Variants in MXRA7 observed in about 807,000 individuals in gnomAD.
MXRA7 encodes the protein matrix-remodeling-associated protein 7.
A neutral mutation model predicts 17.4 loss-of-function variants in MXRA7; 18 were observed. The ratio of observed to expected loss-of-function variants is 1.03; its 90% CI spans 0.71 to 1.53. MXRA7 has a LOEUF of 1.53. Ranked by LOEUF, MXRA7 falls within the 40% of genes most tolerant of loss-of-function variation. The pLI is 0.00. For missense variants in MXRA7, 141 were observed against 209.3 expected (o/e 0.67, Z 2.01); for synonymous variants, 70 against 101.7 (o/e 0.69, Z 1.87).
chr17:76,678,104 C>T (rs1365467273), downstream of MXRA7, among the ~76,000 whole-genome samples: 1 of 152,090 alleles, frequency 6.6e-6, no homozygotes, highest in Non-Finnish European at 1.5e-5. Flanking sequence ...TTAGAAACAG[C>T]CTTCGTTGAG....
At chr17:76,699,064 C>G (rs1282293580) in intron 1 of MXRA7, among the ~76,000 whole-genome samples, 1 of 151,974 alleles carries the variant, frequency 6.6e-6, no homozygotes, top group Non-Finnish European at 1.5e-5. Flanking sequence ...CCCCTTCACT[C>G]CAACAGGCTT....
At chr17:76,686,135 C>T (rs538724032) in intron 2 of MXRA7, among the ~76,000 whole-genome samples, 17 of 152,090 alleles carry the variant, frequency 1.1e-4, no homozygotes, top group African/African-American at 2.7e-4. Context: ...GATGGGGAGG[C>T]GGGGGGGCTC....
downstream of MXRA7, among the ~76,000 whole-genome samples, chr17:76,678,878 A>G (rs139598372): frequency 1.4e-3 from 210 of 152,220 alleles, no homozygotes; most frequent in Non-Finnish European, 2.6e-3. Flanking sequence ...AGCAGCATCT[A>G]GTAGTTGAAA....
chr17:76,700,874 A>G (rs532937457), intron 1 of MXRA7, among the ~76,000 whole-genome samples: 1 of 152,002 alleles, frequency 6.6e-6, no homozygotes, highest in East Asian at 1.9e-4. Flanking sequence ...AAGGACATAG[A>G]GAGGAGAGAG....
At chr17:76,684,161 C>T (rs965958289) in intron 3 of MXRA7, among the ~76,000 whole-genome samples, 1 of 152,110 alleles carries the variant, frequency 6.6e-6, no homozygotes. Context: ...GGCTGCCCGG[C>T]GGGTGGCTTG....
chr17:76,704,585 G>A (rs2076634384), intron 1 of MXRA7, among the ~76,000 whole-genome samples: 1 of 149,868 alleles, frequency 6.7e-6, no homozygotes, highest in African/African-American at 2.4e-5. Context: ...AGGAGTTCAA[G>A]ACCACCCTGG....
chr17:76,710,209 A>G (rs2076703975), intron 1 of MXRA7, among the ~76,000 whole-genome samples: 1 of 152,226 alleles, frequency 6.6e-6, no homozygotes, highest in Non-Finnish European at 1.5e-5. Flanking sequence ...AGGCCTGGAA[A>G]TAAGCCACAG....
At chr17:76,677,841 G>T, downstream of MXRA7, 1 of 628,462 alleles carries the variant, frequency 1.6e-6, no homozygotes, top group Non-Finnish European at 2.8e-6. Flanking sequence ...AGAAGAAAAT[G>T]AAAATAAAAC....
chr17:76,685,473 T>C (rs963143117), intron 2 of MXRA7, among the ~76,000 whole-genome samples: 14 of 152,206 alleles, frequency 9.2e-5, no homozygotes, highest in Non-Finnish European at 2.9e-5. Context: ...TCTCGGCTAC[T>C]GAGCTCAGAG....
chr17:76,693,757 C>G (rs1223307757), intron 1 of MXRA7, among the ~76,000 whole-genome samples: 2 of 152,066 alleles, frequency 1.3e-5, no homozygotes, highest in African/African-American at 4.8e-5. Context: ...GGGAGGATCA[C>G]TTGAGCCCAG....
At chr17:76,672,771 C>CT (rs1165395203) in exon 4 of MXRA7, 1 of 152,112 alleles carries the variant, frequency 6.6e-6, no homozygotes, top group Admixed American at 6.6e-5. Flanking sequence ...ATATTGGCTG[C>CT]TACCGTTAGC....
chr17:76,676,159 G>C (rs1454692234), downstream of MXRA7: 1 of 152,122 alleles, frequency 6.6e-6, no homozygotes, highest in East Asian at 1.9e-4. Context: ...TGTTCTGTAA[G>C]ATCACTTTGG....
chr17:76,686,206 T>A (rs1422193400), intron 2 of MXRA7, among the ~76,000 whole-genome samples: 1 of 152,136 alleles, frequency 6.6e-6, no homozygotes, highest in Admixed American at 6.5e-5. Context: ...TGGTTGGGTG[T>A]GGTGGCTCAT....
In MXRA7 at chr17:76,681,941, C is replaced by T. The variant is rs2076310395; in HGVS notation, c.501-1062G>A. On this transcript the variant is annotated intron_variant, in intron 3 of 3. Coordinates refer to ENST00000449428, the MANE Select transcript of MXRA7 (RefSeq NM_198530.4). The surrounding 1 kb of genome is among the most constrained non-coding windows in gnomAD (Gnocchi z 4.7). The stretch of plus-strand genomic sequence containing the variant: ...GCTTCAGCGGAACCCAGGGACGCCA[C>T]CAGAGGCATGAAGTGTGTGAAACTC... Among the ~76,000 whole-genome samples, 1 of 152,216 alleles carries T rather than the reference C, an allele frequency of 6.6e-6. No homozygotes were observed. Among genetic ancestry groups the T allele is most frequent in the Non-Finnish European group, 1.5e-5 (1 of 68,034 alleles).
rs370105221 is a variant in MXRA7 at position 76,688,027 on chromosome 17, G to A, written c.406+86C>T. ...CACCCCATCCCTCCCCTCGGCACTC[G>A]AACCCCAGCTCCTGTGATCCCCAGC... On this transcript the variant is annotated intron_variant, in intron 2 of 3. Transcript: ENST00000449428. The A allele has an allele frequency of 4.9e-4, 477 of 978,708 alleles. 2 individuals are homozygous for A. In the African/African-American group the frequency reaches 6.5e-3, roughly 13 times the overall value. The allele number at this position is 978,708 out of a possible 1,614,324, so 60.6% of individuals were successfully genotyped here. A position where few individuals can be genotyped will look rare whatever the true frequency, so the allele number is the denominator to read the frequency against.
At chr17:76,695,966 G>A (rs1032219321) in intron 1 of MXRA7, among the ~76,000 whole-genome samples, 1 of 152,000 alleles carries the variant, frequency 6.6e-6, no homozygotes, top group Non-Finnish European at 1.5e-5. Context: ...GTGGTGGCGG[G>A]TGCCTGTAAT....
exon 4 of MXRA7, chr17:76,673,705 AG>A (rs2076219770): frequency 6.8e-6 from 1 of 146,366 alleles, no homozygotes; most frequent in African/African-American, 2.5e-5. Flanking sequence ...AAAAAAAAAA[AG>A]GAAAACCAGT....
exon 4 of MXRA7, chr17:76,673,883 G>A (rs1278945279): frequency 6.6e-6 from 1 of 152,228 alleles, no homozygotes; most frequent in Non-Finnish European, 1.5e-5. Flanking sequence ...GTATCCAGAT[G>A]GAGGTACAGT....
intron 1 of MXRA7, 69 bp from the exon 2 acceptor site, chr17:76,688,245 A>C: frequency 6.2e-7 from 1 of 1,601,896 alleles, no homozygotes; most frequent in South Asian, 1.1e-5. Flanking sequence ...GGGGGGCAGA[A>C]GGTAGGGGAG....
Sources: allele counts gnomAD v4.1 joint callset (sites outside exome capture counted in the v4.1 genomes callset), GRCh38; gene constraint gnomAD v4.1.1; non-coding constraint Gnocchi (gnomAD v3.1); transcripts MANE v1.5; gene names NCBI Gene and HGNC (gene_info 2026-07-23, HGNC 2026-07-21).